Variants in GALNTL6 observed in about 807,000 individuals in gnomAD.
GALNTL6 encodes polypeptide N-acetylgalactosaminyltransferase-like 6.
GALNTL6 carries 46 observed loss-of-function variants against 73.7 expected under a neutral mutation model. The observed-to-expected ratio is 0.62, with a 90% CI of 0.49 to 0.80. The LOEUF (loss-of-function observed/expected upper bound fraction) is 0.80. Among genes scored for constraint, GALNTL6 ranks in the 30% least tolerant of loss-of-function variants. The pLI, the probability that GALNTL6 is intolerant of heterozygous loss-of-function variation, is 0.00. For missense variants in GALNTL6, 604 were observed against 755.0 expected (o/e 0.80, Z 2.34); for synonymous variants, 259 against 263.7 (o/e 0.98, Z 0.17).
chr4:172,732,020 T>C (rs768887396), intron 5 of GALNTL6, among the ~76,000 whole-genome samples: 1 of 152,124 alleles, frequency 6.6e-6, no homozygotes, highest in Non-Finnish European at 1.5e-5. Flanking sequence ...CCACAGAACC[T>C]AGTGAAATGT....
Position 172,735,212 on chromosome 4 carries a change from G to C in GALNTL6, c.554-74149G>C, listed in dbSNP as rs557186165. On this transcript the variant is annotated intron_variant, in intron 5 of 12. Transcript: ENST00000506823. ...ACCAGCCCATGAAAGCAACCAGGAG[G>C]TGCTCTGTACCCTGCAAAGCCACAG... Among the ~76,000 whole-genome samples, 145 of 152,288 alleles carry C rather than the reference G, an allele frequency of 9.5e-4. 1 individual carries two copies. The highest frequency in any genetic ancestry group is 3.4e-3 in the Middle Eastern group (1 of 294).
intron 5 of GALNTL6, among the ~76,000 whole-genome samples, chr4:172,733,529 A>G (rs1175784742): frequency 6.6e-6 from 1 of 152,136 alleles, no homozygotes; most frequent in Non-Finnish European, 1.5e-5. Context: ...TGTAGCTCCC[A>G]TAATCCCTAT....
chr4:172,463,273 T>C (rs1732680020), intron 5 of GALNTL6, among the ~76,000 whole-genome samples: 1 of 151,504 alleles, frequency 6.6e-6, no homozygotes, highest in Admixed American at 6.6e-5. Context: ...CAAACCTCTT[T>C]CTCCCTCATA....
chr4:172,033,169 C>CGG (rs1741820961), intron 2 of GALNTL6, among the ~76,000 whole-genome samples: 1 of 150,062 alleles, frequency 6.7e-6, no homozygotes, highest in Non-Finnish European at 1.5e-5. Flanking sequence ...TACACACACA[C>CGG]GGAGAGAGAG....
chr4:171,926,751 T>C lies in GALNTL6; in HGVS notation c.138+112033T>C, dbSNP rs559244494. ...ATGCACTTCTTGTCCTTTTGGTTTCTTGCTCTGTGAATTTCATGTCTGTAT... is the reference window on the plus strand; with the variant it reads ...ATGCACTTCTTGTCCTTTTGGTTTCCTGCTCTGTGAATTTCATGTCTGTAT... On this transcript the variant is annotated intron_variant, in intron 2 of 12. Transcript: ENST00000506823. 3.3e-5 allele frequency among the ~76,000 whole-genome samples: 5 copies of C among 152,308 alleles called. No individual in the cohort carries two copies. In the East Asian group the frequency reaches 9.6e-4, roughly 29 times the overall value.
intron 7 of GALNTL6, among the ~76,000 whole-genome samples, chr4:172,850,678 A>G (rs1212431551): frequency 6.6e-6 from 1 of 152,150 alleles, no homozygotes; most frequent in Non-Finnish European, 1.5e-5. Flanking sequence ...CTCCCACTTC[A>G]GACACCAATC....
At chr4:171,860,109 TA>T (rs1296193279) in intron 2 of GALNTL6, among the ~76,000 whole-genome samples, 3 of 152,194 alleles carry the variant, frequency 2.0e-5, no homozygotes, top group African/African-American at 7.2e-5. Context: ...ATTATTTGAT[TA>T]AATAATCCAT....
At chr4:172,614,039 C>T (rs936242997) in intron 5 of GALNTL6, among the ~76,000 whole-genome samples, 2 of 152,098 alleles carry the variant, frequency 1.3e-5, no homozygotes, top group African/African-American at 4.8e-5. Context: ...TGGCCTATCT[C>T]TTCTAAGATC....
At position 172,606,293 on chromosome 4, in the gene GALNTL6, A is replaced by G. The variant is rs1057332433; in HGVS notation, c.554-203068A>G. Reference sequence around the variant, plus strand: ...AACATGGAGAAACCCCGTCTCTACTAAAAATACAAAATTAGATGGGCATGG... The same window carrying G: ...AACATGGAGAAACCCCGTCTCTACTGAAAATACAAAATTAGATGGGCATGG... On this transcript the variant is annotated intron_variant, in intron 5 of 12. Coordinates refer to ENST00000506823, the MANE Select transcript of GALNTL6 (RefSeq NM_001034845.3). Among the ~76,000 whole-genome samples, 6 of 151,736 alleles carry G rather than the reference A, an allele frequency of 4.0e-5. 1 individual carries two copies. The highest frequency in any genetic ancestry group is 1.2e-4 in the African/African-American group (5 of 41,288).
intron 2 of GALNTL6, among the ~76,000 whole-genome samples, chr4:171,989,748 G>A (rs139891342): frequency 0.023 from 3,494 of 151,978 alleles, 133 homozygotes; most frequent in African/African-American, 0.079. Context: ...TGTCAGGAGC[G>A]GATTGGGTAA....
intron 5 of GALNTL6, among the ~76,000 whole-genome samples, chr4:172,748,452 G>T (rs1411732404): frequency 6.6e-6 from 1 of 152,046 alleles, no homozygotes; most frequent in Non-Finnish European, 1.5e-5. Flanking sequence ...ACAGACAGTG[G>T]CCCCAGTCAA....
At chr4:171,872,635 C>T (rs1037063937) in intron 2 of GALNTL6, among the ~76,000 whole-genome samples, 3 of 152,158 alleles carry the variant, frequency 2.0e-5, no homozygotes, top group Non-Finnish European at 2.9e-5. Flanking sequence ...AGGGAAAGTT[C>T]TGTTCCAGGC....
intron 5 of GALNTL6, among the ~76,000 whole-genome samples, chr4:172,741,232 C>A (rs967219876): frequency 6.6e-6 from 1 of 151,976 alleles, no homozygotes; most frequent in African/African-American, 2.4e-5. Flanking sequence ...GTTCTCATAC[C>A]TTGGGGGTGA....
Position 172,468,116 on chromosome 4 carries a change from T to C in GALNTL6, c.553+119427T>C, listed in dbSNP as rs76578162. 4.2e-3 allele frequency among the ~76,000 whole-genome samples: 633 copies of C among 152,222 alleles called. 5 individuals carry two copies. The highest frequency in any genetic ancestry group is 0.014 in the African/African-American group (569 of 41,550). On this transcript the variant is annotated intron_variant, in intron 5 of 12. Transcript: ENST00000506823. ...GATGTTACCCAGGCTGTTCTCAAAC[T>C]CCTAGCCTTAAGCAATCCTCCGCCC... is the stretch of plus-strand genomic sequence containing the variant.
chr4:172,820,753 A>G (rs1239887186), intron 7 of GALNTL6, among the ~76,000 whole-genome samples: 1 of 152,208 alleles, frequency 6.6e-6, no homozygotes, highest in East Asian at 1.9e-4. Context: ...CATGATCTCC[A>G]TGCAATTGCT....
At chr4:172,299,976 T>C (rs1209938843) in intron 3 of GALNTL6, among the ~76,000 whole-genome samples, 1 of 152,108 alleles carries the variant, frequency 6.6e-6, no homozygotes, top group African/African-American at 2.4e-5. Flanking sequence ...GGTGTTAAAG[T>C]CTCCCATTAT....
chr4:172,913,481 C>A (rs1747327801), intron 8 of GALNTL6, among the ~76,000 whole-genome samples: 1 of 152,092 alleles, frequency 6.6e-6, no homozygotes, highest in Non-Finnish European at 1.5e-5. Context: ...TGCAAGGAAG[C>A]TAAAAACCTT....
intron 8 of GALNTL6, among the ~76,000 whole-genome samples, chr4:172,920,549 A>G (rs1190844268): frequency 6.6e-6 from 1 of 152,192 alleles, no homozygotes; most frequent in African/African-American, 2.4e-5. Context: ...TATACCATAC[A>G]ATTAGGAAGT....
chr4:172,692,756 C>A (rs181239571), intron 5 of GALNTL6, among the ~76,000 whole-genome samples: 89 of 152,234 alleles, frequency 5.8e-4, no homozygotes, highest in African/African-American at 2.0e-3. Flanking sequence ...GAGAAAATTG[C>A]AGTATTCTGA....
Sources: gnomAD v4.1 joint callset for allele counts (sites outside exome capture counted in the v4.1 genomes callset) on GRCh38, gnomAD v4.1.1 for gene constraint, MANE v1.5 for transcripts, NCBI Gene and HGNC (gene_info 2026-07-23, HGNC 2026-07-21) for gene names.